Variants in PHACTR4 observed in about 807,000 individuals in gnomAD.
The protein encoded by PHACTR4 is phosphatase and actin regulator 4.
A neutral mutation model predicts 72.7 loss-of-function variants in PHACTR4; 51 were observed. The ratio of observed to expected loss-of-function variants is 0.70; its 90% CI spans 0.56 to 0.89. The LOEUF (loss-of-function observed/expected upper bound fraction) is 0.89, where lower values mean the gene tolerates loss of function less well. PHACTR4 is among the 40% of genes least tolerant of loss of function. The pLI, the probability that PHACTR4 is intolerant of heterozygous loss-of-function variation, is 0.00. For synonymous variants in PHACTR4, 255 were observed against 302.5 expected, an observed-to-expected ratio of 0.84 and a Z score of 1.63; for missense variants, 731 against 861.8, an observed-to-expected ratio of 0.85 and a Z score of 1.90.
intron 13 of PHACTR4, among the ~76,000 whole-genome samples, chr1:28,495,317 A>T (rs1661278504): frequency 6.6e-6 from 1 of 151,810 alleles, no homozygotes; most frequent in East Asian, 1.9e-4. Flanking sequence ...TATGTTTCCC[A>T]GGCTGGTCTT....
At chr1:28,402,875 T>G (rs1247801532) in intron 1 of PHACTR4, among the ~76,000 whole-genome samples, 2 of 152,174 alleles carry the variant, frequency 1.3e-5, no homozygotes. Flanking sequence ...TCCCCTAGGA[T>G]TGATATTATA....
chr1:28,441,219 ATTTAAT>A (rs961300586), intron 2 of PHACTR4, among the ~76,000 whole-genome samples: 1 of 151,806 alleles, frequency 6.6e-6, no homozygotes, highest in Non-Finnish European at 1.5e-5. Context: ...TTTTTTTTTA[ATTTAAT>A]TTTATTTTTT....
At chr1:28,452,033 T>G (rs572108048) in intron 2 of PHACTR4, among the ~76,000 whole-genome samples, 2 of 152,326 alleles carry the variant, frequency 1.3e-5, no homozygotes, top group South Asian at 4.1e-4. Context: ...CTAGCTCCTT[T>G]AGCACAATAT....
intron 2 of PHACTR4, among the ~76,000 whole-genome samples, chr1:28,409,882 A>G (rs1211996298): frequency 2.0e-5 from 3 of 151,250 alleles, no homozygotes; most frequent in African/African-American, 7.3e-5. Context: ...TAGTTCATCA[A>G]TTAGATCCAT....
At chr1:28,403,527 T>C (rs1654092065) in intron 1 of PHACTR4, among the ~76,000 whole-genome samples, 1 of 152,178 alleles carries the variant, frequency 6.6e-6, no homozygotes, top group African/African-American at 2.4e-5. Flanking sequence ...CAGTATACCC[T>C]TGTGTTGCTC....
At chr1:28,382,307 A>AT (rs963720991) in intron 1 of PHACTR4, among the ~76,000 whole-genome samples, 442 of 144,032 alleles carry the variant, frequency 3.1e-3, no homozygotes, top group East Asian at 4.3e-3. Flanking sequence ...CTGTCATGAA[A>AT]TTTTTTTTTT....
intron 1 of PHACTR4, among the ~76,000 whole-genome samples, chr1:28,407,072 T>C (rs536728027): frequency 6.6e-6 from 1 of 152,216 alleles, no homozygotes; most frequent in African/African-American, 2.4e-5. Flanking sequence ...AGACAAAAAT[T>C]AGCCTTAAAT....
At chr1:28,481,922 G>A (rs1660310930) in intron 9 of PHACTR4, among the ~76,000 whole-genome samples, 1 of 152,038 alleles carries the variant, frequency 6.6e-6, no homozygotes, top group Admixed American at 6.6e-5. Flanking sequence ...TTTTGAGATG[G>A]AGCCTCGCTC....
chr1:28,386,501 CTAA>C (rs1652569686), intron 1 of PHACTR4, among the ~76,000 whole-genome samples: 1 of 152,130 alleles, frequency 6.6e-6, no homozygotes, highest in African/African-American at 2.4e-5. Flanking sequence ...TCTCGATGAT[CTAA>C]TAATGTCAGT....
chr1:28,494,310 C>CTA (rs1191878942), intron 13 of PHACTR4: 4 of 151,920 alleles, frequency 2.6e-5, no homozygotes, highest in African/African-American at 9.7e-5. Context: ...TTGAGACCAG[C>CTA]CTGGGAAACA....
At chr1:28,405,997 A>G (rs886258895) in intron 1 of PHACTR4, among the ~76,000 whole-genome samples, 1 of 152,198 alleles carries the variant, frequency 6.6e-6, no homozygotes, top group Non-Finnish European at 1.5e-5. Flanking sequence ...TTATGCCTCA[A>G]TTGACTGCTG....
At position 28,467,015 on chromosome 1, in the gene PHACTR4, C is replaced by A. The variant is rs376016240; in HGVS notation, c.823+247C>A. ...GGATCACAAGGTCAGGAGATTGAGA[C>A]CATCCTGGCAACATGGTGAAACCCC... On this transcript the variant is annotated intron_variant, in intron 6 of 13. Transcript: ENST00000373839. 6.1e-5 allele frequency: 25 copies of A among 412,724 alleles called. 1 individual carries two copies. Among genetic ancestry groups the A allele is most frequent in the East Asian group, 4.7e-4 (10 of 21,140 alleles). The allele number at this position is 412,724 out of a possible 1,614,324, so 25.6% of individuals were successfully genotyped here. A position where few individuals can be genotyped will look rare whatever the true frequency, so the allele number is the denominator to read the frequency against.
intron 12 of PHACTR4, 50 bp from the exon 13 acceptor site, chr1:28,492,965 T>C (rs980491087): frequency 1.3e-6 from 2 of 1,486,986 alleles, no homozygotes; most frequent in Non-Finnish European, 1.9e-6. Context: ...GTTACACTGC[T>C]GTGCAAAGCA....
rs1430066582 is a variant in PHACTR4, at chr1:28,369,892, GCTGCGGCCC to G, written c.-39+70_-39+78del. On this transcript the variant is annotated intron_variant, in intron 1 of 13. Coordinates refer to ENST00000373839, the MANE Select transcript of PHACTR4 (RefSeq NM_001048183.3). Reference sequence around the variant, plus strand: ...GTATCAGGCTGCGGCCTCCTCTCAGGCTGCGGCCCCTTTCTTGGCTCTGCGAGAGGGTCC... The same window carrying G: ...GTATCAGGCTGCGGCCTCCTCTCAGGCTTTCTTGGCTCTGCGAGAGGGTCC... 228 of 408,460 alleles carry G rather than the reference GCTGCGGCCC, an allele frequency of 5.6e-4. 3 individuals are homozygous for G. The highest frequency in any genetic ancestry group is 3.9e-3 in the South Asian group (225 of 57,304). The allele number at this position is 408,460 out of a possible 1,614,324, so 25.3% of individuals were successfully genotyped here.
At chr1:28,371,767 T>G (rs891497085) in intron 1 of PHACTR4, among the ~76,000 whole-genome samples, 1 of 151,966 alleles carries the variant, frequency 6.6e-6, no homozygotes, top group African/African-American at 2.4e-5. Context: ...TTAAAAAAAT[T>G]TTTAAAAAAA....
At chr1:28,414,361 T>C (rs1049280343) in intron 2 of PHACTR4, among the ~76,000 whole-genome samples, 1 of 147,550 alleles carries the variant, frequency 6.8e-6, no homozygotes, top group Non-Finnish European at 1.5e-5. Context: ...CCTCTGCAGC[T>C]GGCCTTATTT....
intron 2 of PHACTR4, among the ~76,000 whole-genome samples, chr1:28,419,712 T>G (rs1303939590): frequency 6.6e-6 from 1 of 152,186 alleles, no homozygotes; most frequent in Non-Finnish European, 1.5e-5. Flanking sequence ...CTCTTCTAGT[T>G]AAAAGCTTTA....
intron 1 of PHACTR4, among the ~76,000 whole-genome samples, chr1:28,404,124 A>AT (rs1354158450): frequency 2.0e-5 from 3 of 151,830 alleles, no homozygotes; most frequent in Non-Finnish European, 4.4e-5. Context: ...TAATTTTTGT[A>AT]TTTTTTGTAG....
At chr1:28,402,819 CAG>C (rs373620470) in intron 1 of PHACTR4, among the ~76,000 whole-genome samples, 4 of 152,154 alleles carry the variant, frequency 2.6e-5, no homozygotes, top group Non-Finnish European at 5.9e-5. Context: ...TCTGTAAGAA[CAG>C]GGGTATTTTG....
Sources: allele counts gnomAD v4.1 joint callset (sites outside exome capture counted in the v4.1 genomes callset), GRCh38; gene constraint gnomAD v4.1.1; transcripts MANE v1.5; gene names NCBI Gene and HGNC (gene_info 2026-07-23, HGNC 2026-07-21).